PRELID3A: variants seen among roughly 807,000 people sequenced by gnomAD.
PRELID3A encodes PRELI domain containing 3A, also known as PRELI domain containing protein 3A.
A neutral mutation model predicts 23.0 loss-of-function variants in PRELID3A; 27 were observed. The observed-to-expected ratio is 1.17, with a 90% CI of 0.87 to 1.62. The LOEUF is 1.62. Among genes scored for constraint, PRELID3A ranks in the 40% most tolerant of loss-of-function variants. The pLI is 0.00. For synonymous variants in PRELID3A, 87 were observed against 86.4 expected, an observed-to-expected ratio of 1.01 and a Z score of -0.04; for missense variants, 231 against 231.4, an observed-to-expected ratio of 1.00 and a Z score of 0.01.
rs2030621472 is a variant in PRELID3A, at chr18:12,431,831, A to T, written c.*715A>T. 1.3e-5 allele frequency: 2 copies of T among 152,202 alleles called. No homozygotes were observed. Among genetic ancestry groups the T allele is most frequent in the East Asian group, 3.9e-4 (2 of 5,134 alleles). 9.4% of individuals were successfully genotyped at this position (152,202 alleles called of 1,614,324 possible). A position where few individuals can be genotyped will look rare whatever the true frequency, so the allele number is the denominator to read the frequency against. On this transcript the variant is annotated 3_prime_UTR_variant, in exon 7 of 7. Coordinates refer to ENST00000440960, the MANE Select transcript of PRELID3A (RefSeq NM_001142405.2). The stretch of plus-strand genomic sequence containing the variant: ...AGTCTGCCACTGCCGTGCCCGGGGG[A>T]CATCCTGCGCCCAGGCTGGAGGCCC...
chr18:12,424,723 T>A (rs1262556661), intron 3 of PRELID3A, among the ~76,000 whole-genome samples: 1 of 152,228 alleles, frequency 6.6e-6, no homozygotes, highest in Non-Finnish European at 1.5e-5. Context: ...TTTTAAAACA[T>A]GGTCTTTTAT....
At chr18:12,413,784 A>G (rs984844178) in intron 1 of PRELID3A, among the ~76,000 whole-genome samples, 3 of 152,242 alleles carry the variant, frequency 2.0e-5, no homozygotes, top group South Asian at 2.1e-4. Context: ...GGGTTTCGCC[A>G]TGTTGGCCAG....
rs1405278481 is a variant in PRELID3A, at chr18:12,420,413, C to A, written c.121C>A (p.Arg41Ser). ...CGTGCTGGGCGTGGATGTGCTACAGCGCCGCGTGGACGGCCGCGGCCGCCT... is the reference window on the plus strand; with the variant it reads ...CGTGCTGGGCGTGGATGTGCTACAGAGCCGCGTGGACGGCCGCGGCCGCCT... ...PSVLGVDVLQ[R>S]RVDGRGRLHS... The change falls in exon 2 of 7, where the codon CGC (arginine) becomes AGC (serine). Residue 41 changes from arginine (R) to serine (S), a missense_variant. Arg to Ser is a moderately radical substitution (Grantham distance 110, BLOSUM62 -1). Coordinates refer to ENST00000440960, the MANE Select transcript of PRELID3A (RefSeq NM_001142405.2). The A allele has an allele frequency of 1.2e-6, 2 of 1,603,058 alleles. No homozygotes were observed. The highest frequency in any genetic ancestry group is 2.3e-5 in the East Asian group (1 of 44,364).
chr18:12,418,482 G>C (rs2030034200), intron 1 of PRELID3A, among the ~76,000 whole-genome samples: 1 of 152,236 alleles, frequency 6.6e-6, no homozygotes. Context: ...GCATGTGCAT[G>C]TATGTGTGTC....
intron 3 of PRELID3A, among the ~76,000 whole-genome samples, chr18:12,425,852 A>T (rs891140620): frequency 1.1e-4 from 16 of 151,954 alleles, no homozygotes; most frequent in Admixed American, 8.5e-4. Flanking sequence ...AAGTGAGAGG[A>T]TCACTTGAGA....
At chr18:12,414,796 G>C (rs1310362203) in intron 1 of PRELID3A, among the ~76,000 whole-genome samples, 1 of 150,908 alleles carries the variant, frequency 6.6e-6, no homozygotes. Flanking sequence ...TGTGACAACA[G>C]TTATGTCTGG....
At chr18:12,412,678 A>G (rs1909957699) in intron 1 of PRELID3A, among the ~76,000 whole-genome samples, 1 of 152,166 alleles carries the variant, frequency 6.6e-6, no homozygotes, top group African/African-American at 2.4e-5. Flanking sequence ...TTTCCCACTC[A>G]ATCAAGGGCC....
rs199768796 is a variant in PRELID3A, at chr18:12,420,484, C to T, written c.192C>T (p.Leu64=). 3.5e-4 allele frequency: 546 copies of T among 1,541,248 alleles called. 5 individuals are homozygous for T. In the East Asian group the frequency reaches 0.011, roughly 31 times the overall value. ...LLSTEWGLPS[L]VRAILGTSRT... ...GCACCGAGTGGGGGCTGCCCAGCCT[C>T]GTGAGAGCGGTGAGCGGGGCGGGGG... Residue 64 remains leucine, a synonymous_variant, in exon 2 of 7, where the codon CTC becomes CTT. Transcript: ENST00000440960.
At chr18:12,425,631 C>CAA (rs571738773) in intron 3 of PRELID3A, among the ~76,000 whole-genome samples, 1 of 122,448 alleles carries the variant, frequency 8.2e-6, no homozygotes. Flanking sequence ...GACTCCATCT[C>CAA]AAAAAAAAAA....
intron 3 of PRELID3A, among the ~76,000 whole-genome samples, chr18:12,423,195 G>A (rs958912109): frequency 2.6e-5 from 4 of 152,230 alleles, no homozygotes; most frequent in Non-Finnish European, 4.4e-5. Context: ...AGAGGGGAAG[G>A]TGGTGTGGGA....
At chr18:12,411,625 A>G (rs995071303) in intron 1 of PRELID3A, among the ~76,000 whole-genome samples, 2 of 152,258 alleles carry the variant, frequency 1.3e-5, no homozygotes, top group African/African-American at 2.4e-5. Context: ...GACAGCTGCC[A>G]GGAATGTCTG....
intron 6 of PRELID3A, among the ~76,000 whole-genome samples, chr18:12,430,592 G>T (rs1233216559): frequency 2.0e-5 from 3 of 149,944 alleles, no homozygotes; most frequent in Admixed American, 6.7e-5. Context: ...TGTGTGATGT[G>T]TATATGTGTG....
intron 3 of PRELID3A, among the ~76,000 whole-genome samples, chr18:12,426,446 C>T (rs1357144911): frequency 2.7e-5 from 4 of 148,878 alleles, no homozygotes; most frequent in East Asian, 2.0e-4. Flanking sequence ...CCCAGCTACT[C>T]GGGAGGCTGA....
At chr18:12,421,713 C>T (rs572552317) in intron 3 of PRELID3A, 84 bp downstream of exon 3, 4 of 886,496 alleles carry the variant, frequency 4.5e-6, no homozygotes, top group Middle Eastern at 2.2e-4. Flanking sequence ...TATTTCCAGC[C>T]CACCTTTGGT....
chr18:12,426,621 G>A (rs987735729), intron 3 of PRELID3A, among the ~76,000 whole-genome samples: 3 of 150,928 alleles, frequency 2.0e-5, no homozygotes. Context: ...TACTGGAGGA[G>A]ACAAGAACCC....
At chr18:12,423,213 G>A (rs1021746777) in intron 3 of PRELID3A, among the ~76,000 whole-genome samples, 5 of 152,214 alleles carry the variant, frequency 3.3e-5, no homozygotes, top group Non-Finnish European at 5.9e-5. Context: ...GGAGGGAGGA[G>A]GCTGGAGAGG....
At chr18:12,422,770 G>C (rs534909202) in intron 3 of PRELID3A, among the ~76,000 whole-genome samples, 2 of 152,232 alleles carry the variant, frequency 1.3e-5, no homozygotes, top group South Asian at 4.1e-4. Flanking sequence ...AATATGCATG[G>C]GCTAGCAAAA....
chr18:12,420,519 C>G (rs1310950557), intron 2 of PRELID3A, 26 bp downstream of exon 2: 2 of 1,486,888 alleles, frequency 1.3e-6, no homozygotes, highest in South Asian at 2.7e-5. Flanking sequence ...GCTGCGGCTC[C>G]GAACGCGCCC....
At chr18:12,415,928 G>A (rs975400573) in intron 1 of PRELID3A, among the ~76,000 whole-genome samples, 18 of 152,322 alleles carry the variant, frequency 1.2e-4, no homozygotes, top group African/African-American at 4.1e-4. Flanking sequence ...GGGTGGCAGC[G>A]GAGGCCTCTT....
Sources: gnomAD v4.1 joint callset for allele counts (sites outside exome capture counted in the v4.1 genomes callset) on GRCh38, gnomAD v4.1.1 for gene constraint, MANE v1.5 for transcripts, NCBI Gene and HGNC (gene_info 2026-07-23, HGNC 2026-07-21) for gene names.